The following HCN1 variants were observed in gnomAD, a reference collection of about 807,000 sequenced individuals.
The protein encoded by HCN1 is potassium/sodium hyperpolarization-activated cyclic nucleotide-gated channel 1.
In HCN1, 13 loss-of-function variants were observed where a neutral mutation model predicts 78.9. The observed-to-expected ratio is 0.16, with a 90% CI of 0.11 to 0.26. The LOEUF is 0.26. Ranked by LOEUF, HCN1 falls within the 10% of genes least tolerant of loss-of-function variation. HCN1 has a pLI of 1.00. For synonymous variants in HCN1, 552 were observed against 455.5 expected, an observed-to-expected ratio of 1.21 and a Z score of -2.70; for missense variants, 810 against 1,154.3, an observed-to-expected ratio of 0.70 and a Z score of 4.32.
intron 2 of HCN1, among the ~76,000 whole-genome samples, chr5:45,608,239 A>G (rs1384476004): frequency 6.6e-6 from 1 of 152,020 alleles, no homozygotes; most frequent in Admixed American, 6.6e-5. Context: ...AATCAATAGA[A>G]CACATACCAT....
chr5:45,458,672 C>T (rs1050125220), intron 3 of HCN1, among the ~76,000 whole-genome samples: 1 of 152,092 alleles, frequency 6.6e-6, no homozygotes, highest in African/African-American at 2.4e-5. Flanking sequence ...TGGTTTAGAG[C>T]AGAAATTACA....
intron 5 of HCN1, among the ~76,000 whole-genome samples, chr5:45,335,028 C>A (rs1746425056): frequency 6.6e-6 from 1 of 152,032 alleles, no homozygotes; most frequent in Non-Finnish European, 1.5e-5. Context: ...TGGGATTACA[C>A]TCTCAGCCTA....
chr5:45,431,124 A>G (rs1221327334), intron 3 of HCN1, among the ~76,000 whole-genome samples: 1 of 152,066 alleles, frequency 6.6e-6, no homozygotes, highest in African/African-American at 2.4e-5. Context: ...GCTTTTTACT[A>G]GTAGCCATTC....
intron 2 of HCN1, among the ~76,000 whole-genome samples, chr5:45,512,595 T>TATATATAA (rs1742436460): frequency 6.6e-6 from 1 of 152,098 alleles, no homozygotes; most frequent in Non-Finnish European, 1.5e-5. Context: ...CCCATGAATA[T>TATATATAA]TTTTATTTAT....
At chr5:45,297,493 CA>C (rs1346173510) in intron 6 of HCN1, among the ~76,000 whole-genome samples, 3 of 152,058 alleles carry the variant, frequency 2.0e-5, no homozygotes, top group African/African-American at 7.2e-5. Flanking sequence ...AAAAATAAAT[CA>C]CCAGGCCCAA....
At chr5:45,281,326 C>G (rs771861435) in intron 6 of HCN1, among the ~76,000 whole-genome samples, 84 of 152,100 alleles carry the variant, frequency 5.5e-4, no homozygotes, top group Admixed American at 1.2e-3. Context: ...CTCTCTCTCT[C>G]TCCTGCTCCA....
At position 45,643,426 on chromosome 5, in the gene HCN1, G is replaced by A. The variant is rs966477422; in HGVS notation, c.849+1759C>T. On this transcript the variant is annotated intron_variant, in intron 2 of 7. Coordinates refer to ENST00000303230, the MANE Select transcript of HCN1 (RefSeq NM_021072.4). ...TTTTTCCATGGCCTTGTTTTAAGAG[G>A]TACTATTCAACTCTGTTGTATTGCA... 6.6e-5 allele frequency: 10 copies of A among 152,042 alleles called. 1 individual carries two copies. Among genetic ancestry groups the A allele is most frequent in the Admixed American group, 5.3e-4 (8 of 15,236 alleles). The allele number at this position is 152,042 out of a possible 1,614,324, so 9.4% of individuals were successfully genotyped here. A position where few individuals can be genotyped will look rare whatever the true frequency, so the allele number is the denominator to read the frequency against.
intron 2 of HCN1, among the ~76,000 whole-genome samples, chr5:45,578,009 T>A (rs1007977774): frequency 6.6e-6 from 1 of 152,056 alleles, no homozygotes; most frequent in Non-Finnish European, 1.5e-5. Flanking sequence ...ACAGTAGTGA[T>A]GAGACTTACA....
rs187329141 is a variant in HCN1, at chr5:45,284,862, T to C, written c.1619-17609A>G. On this transcript the variant is annotated intron_variant, in intron 6 of 7. Coordinates refer to ENST00000303230, the MANE Select transcript of HCN1 (RefSeq NM_021072.4). ...TATGGACAAGAGATTTATTTCTCTT[T>C]TCTATGTGTTTCTTCCTCCTTCCTA... 6.0e-4 allele frequency among the ~76,000 whole-genome samples: 92 copies of C among 152,218 alleles called. 1 individual carries two copies. In the East Asian group the frequency reaches 0.01, roughly 17 times the overall value.
intron 5 of HCN1, among the ~76,000 whole-genome samples, chr5:45,334,896 A>C (rs1211812632): frequency 6.6e-6 from 1 of 152,036 alleles, no homozygotes; most frequent in Non-Finnish European, 1.5e-5. Context: ...TTTAGAAGGC[A>C]TTTAAAAAAT....
chr5:45,314,255 C>G (rs1199114543), intron 5 of HCN1, among the ~76,000 whole-genome samples: 1 of 152,046 alleles, frequency 6.6e-6, no homozygotes, highest in Non-Finnish European at 1.5e-5. Context: ...TCATATCCAG[C>G]CAAACTAAGC....
intron 6 of HCN1, among the ~76,000 whole-genome samples, chr5:45,291,891 T>G (rs1004999346): frequency 6.6e-6 from 1 of 152,222 alleles, no homozygotes; most frequent in Non-Finnish European, 1.5e-5. Context: ...TTTATTATTT[T>G]TTATGGCATC....
intron 5 of HCN1, among the ~76,000 whole-genome samples, chr5:45,322,351 GTAGTATAAT>G (rs1394416790): frequency 6.6e-6 from 1 of 151,798 alleles, no homozygotes; most frequent in East Asian, 1.9e-4. Flanking sequence ...TGGTCTAAAT[GTAGTATAAT>G]GACCACAATG....
At chr5:45,613,768 T>C (rs1212582040) in intron 2 of HCN1, among the ~76,000 whole-genome samples, 1 of 152,190 alleles carries the variant, frequency 6.6e-6, no homozygotes, top group Non-Finnish European at 1.5e-5. Context: ...AATTCTTTAA[T>C]GTAATTTTAT....
chr5:45,509,902 T>C (rs1053929586), intron 2 of HCN1, among the ~76,000 whole-genome samples: 2 of 152,142 alleles, frequency 1.3e-5, no homozygotes, highest in African/African-American at 4.8e-5. Flanking sequence ...AAAATCATCA[T>C]GGAAACTTCT....
intron 5 of HCN1, among the ~76,000 whole-genome samples, chr5:45,307,059 T>A (rs558634658): frequency 6.6e-6 from 1 of 151,854 alleles, no homozygotes; most frequent in African/African-American, 2.4e-5. Context: ...AACCCCACAG[T>A]AATGAAGGTA....
At chr5:45,501,700 A>G (rs546496289) in intron 2 of HCN1, among the ~76,000 whole-genome samples, 16 of 152,292 alleles carry the variant, frequency 1.1e-4, no homozygotes, top group African/African-American at 3.1e-4. Context: ...TCGGCCTCCC[A>G]AAGTGCTAGG....
chr5:45,325,293 T>C (rs1746214204), intron 5 of HCN1, among the ~76,000 whole-genome samples: 1 of 151,766 alleles, frequency 6.6e-6, no homozygotes, highest in Non-Finnish European at 1.5e-5. Context: ...TCAAAATCTC[T>C]GTCATTAATA....
At chr5:45,315,234 C>A (rs1745956739) in intron 5 of HCN1, among the ~76,000 whole-genome samples, 1 of 152,204 alleles carries the variant, frequency 6.6e-6, no homozygotes, top group Non-Finnish European at 1.5e-5. Flanking sequence ...ACAGTGCAAT[C>A]AAACTAGAAC....
Sources: gnomAD v4.1 joint callset for allele counts (sites outside exome capture counted in the v4.1 genomes callset) on GRCh38, gnomAD v4.1.1 for gene constraint, MANE v1.5 for transcripts, NCBI Gene and HGNC (gene_info 2026-07-23, HGNC 2026-07-21) for gene names.